USP29: variants seen among roughly 807,000 people sequenced by gnomAD.
The protein encoded by USP29 is ubiquitin carboxyl-terminal hydrolase 29.
For missense variants in USP29, 1,102 were observed against 1,069.0 expected (o/e 1.03, Z -0.43); for synonymous variants, 386 against 387.4 (o/e 1.00, Z 0.04).
intron 1 of USP29, among the ~76,000 whole-genome samples, chr19:57,121,051 C>T (rs1467765698): frequency 6.6e-6 from 1 of 150,656 alleles, no homozygotes; most frequent in Non-Finnish European, 1.5e-5. Context: ...GCCGAGATCA[C>T]GCCATTAAAC....
chr19:57,119,264 C>G (rs1003524950), upstream of USP29: 1 of 152,220 alleles, frequency 6.6e-6, no homozygotes, highest in Non-Finnish European at 1.5e-5. Flanking sequence ...GGAAACCGTC[C>G]GCTTCCCCAA....
Position 57,128,976 on chromosome 19 carries a change from A to G in USP29, c.301A>G (p.Ile101Val). 1.2e-6 allele frequency: 2 copies of G among 1,614,132 alleles called. No homozygotes were observed. The highest frequency in any genetic ancestry group is 2.2e-5 in the East Asian group (1 of 44,858). ...DAKQLNMFLD[I>V]IHQNKSQQPM... ...TAAACAGTTGAATATGTTCCTGGACATAATCCACCAAAACAAATCTCAGCA... is the reference window on the plus strand; with the variant it reads ...TAAACAGTTGAATATGTTCCTGGACGTAATCCACCAAAACAAATCTCAGCA... Residue 101 changes from isoleucine to valine, a missense_variant, in exon 4 of 4, where the codon ATA becomes GTA. Coordinates refer to ENST00000254181, the MANE Select transcript of USP29 (RefSeq NM_020903.3).
rs1599918472 is a variant in USP29 at position 57,130,024 on chromosome 19, C to T, written c.1349C>T (p.Pro450Leu). The change falls in exon 4 of 4, where the codon CCT (proline) becomes CTT (leucine). Residue 450 changes from proline to leucine, a missense_variant. Pro to Leu is a moderately conservative substitution (Grantham distance 98, BLOSUM62 -3). Transcript: ENST00000254181. ...GGTCATGCTGTTCTCAAGGTAGAAC[C>T]TAATAATTATCTCTCCATCAACCTG... is the stretch of plus-strand genomic sequence containing the variant. ...ACGHAVLKVE[P>L]NNYLSINLHQ... is the part of the protein sequence containing the mutation. The T allele has an allele frequency of 1.9e-6, 3 of 1,614,056 alleles. No homozygotes were observed. The highest frequency in any genetic ancestry group is 2.2e-5 in the East Asian group (1 of 44,874).
rs779608956 is a variant in USP29 at position 57,129,062 on chromosome 19, T to G, written c.387T>G (p.Ile129Met). The G allele has an allele frequency of 8.1e-6, 13 of 1,612,440 alleles. No individual in the cohort carries two copies. The highest frequency in any genetic ancestry group is 2.7e-5 in the African/African-American group (2 of 74,878). ...AAAGCAGGAATATGCTGAAGGAAAT[T>G]GACAAAACTTCATTTTACAGCATTT... The part of the protein sequence containing the change: ...VFESRNMLKE[I>M]DKTSFYSICN... Residue 129 changes from isoleucine (I) to methionine (M), a missense_variant, in exon 4 of 4, where the codon ATT becomes ATG. Physicochemically the swap from Ile to Met is conservative, Grantham distance 10. Transcript: ENST00000254181.
At position 57,130,087 on chromosome 19, in the gene USP29, A is replaced by G; in HGVS notation, c.1412A>G (p.Asn471Ser). 1 of 1,613,502 alleles carries G rather than the reference A, an allele frequency of 6.2e-7. No individual in the cohort carries two copies. The highest frequency in any genetic ancestry group is 8.5e-7 in the Non-Finnish European group (1 of 1,179,866). The change falls in exon 4 of 4, where the codon AAT (asparagine) becomes AGT (serine). Residue 471 changes from asparagine (N) to serine (S), a missense_variant. Physicochemically the swap from Asn to Ser is conservative, Grantham distance 46 (BLOSUM62 1). Coordinates refer to ENST00000254181, the MANE Select transcript of USP29 (RefSeq NM_020903.3). The stretch of plus-strand genomic sequence containing the variant: ...AAACCACTTCCTTTGTCCATTCAGA[A>G]TTCTTTAGATCTTTTCTTTAAAGAA... ...ETKPLPLSIQ[N>S]SLDLFFKEEE...
intron 2 of USP29, among the ~76,000 whole-genome samples, 198 bp from the exon 3 acceptor site, chr19:57,123,841 A>G (rs541335274): frequency 6.6e-6 from 1 of 152,258 alleles, no homozygotes; most frequent in South Asian, 2.1e-4. Context: ...ACTTTTAGGA[A>G]TGCATTTAGA....
In USP29 at chr19:57,129,841, A is replaced by G; in HGVS notation, c.1166A>G (p.Glu389Gly). 4.3e-6 allele frequency: 7 copies of G among 1,614,174 alleles called. No individual in the cohort carries two copies. Among genetic ancestry groups the G allele is most frequent in the Non-Finnish European group, 5.1e-6 (6 of 1,180,020 alleles). Reference protein sequence around the residue: ...QCLDQLKEDMEKLNATLNTGK... With the variant: ...QCLDQLKEDMGKLNATLNTGK... ...TTAGACCAGCTGAAAGAAGACATGG[A>G]AAAATTAAATGCCACTTTGAATACT... is the stretch of plus-strand genomic sequence containing the variant. The change falls in exon 4 of 4, where the codon GAA (glutamate) becomes GGA (glycine). Residue 389 changes from glutamate to glycine, a missense_variant. Physicochemically the swap from Glu to Gly is moderately conservative, Grantham distance 98. Transcript: ENST00000254181.
In USP29 at chr19:57,129,979, C is replaced by G. The variant is rs2086847103; in HGVS notation, c.1304C>G (p.Ser435Cys). 1 of 1,614,040 alleles carries G rather than the reference C, an allele frequency of 6.2e-7. No homozygotes were observed. The highest frequency in any genetic ancestry group is 1.3e-5 in the African/African-American group (1 of 74,912). ...AATTTTGAGTTTGAATTGCAGCTCT[C>G]CCTTATTTGTAAAGCTTGTGGTCAT... ...VANFEFELQL[S>C]LICKACGHAV... is the part of the protein sequence containing the mutation. The change falls in exon 4 of 4, where the codon TCC becomes TGC. Residue 435 changes from serine to cysteine, a missense_variant. Transcript: ENST00000254181.
In USP29 at chr19:57,130,745, A is replaced by G. The variant is rs372569854; in HGVS notation, c.2070A>G (p.Glu690=). The G allele has an allele frequency of 3.1e-6, 5 of 1,614,170 alleles. No individual in the cohort carries two copies. Among genetic ancestry groups the G allele is most frequent in the Non-Finnish European group, 4.2e-6 (5 of 1,180,032 alleles). Residue 690 remains glutamate (E), a synonymous_variant, in exon 4 of 4, where the codon GAA becomes GAG. Coordinates refer to ENST00000254181, the MANE Select transcript of USP29 (RefSeq NM_020903.3). ...TTCAAGAGGTGCCTCAACATCCAGA[A>G]CTTCAGAAGTATGAGAAAACCAATA... ...VHLQEVPQHP[E]LQKYEKTNTF...
At chr19:57,121,408 A>C (rs2086795418) in intron 1 of USP29, among the ~76,000 whole-genome samples, 1 of 143,036 alleles carries the variant, frequency 7.0e-6, no homozygotes, top group Admixed American at 7.2e-5. Flanking sequence ...TATGTTATAC[A>C]TACTTATATG....
rs548883406 is a variant in USP29 at position 57,122,479 on chromosome 19, G to A, written c.-118+5G>A. On this transcript the variant is annotated splice_donor_5th_base_variant and intron_variant, in intron 2 of 3. Coordinates refer to ENST00000254181, the MANE Select transcript of USP29 (RefSeq NM_020903.3). ...CCCAGAACAGCTCTCCAAACTGTAAGTTTCATTCAAGGTTTGCTTGTTTGG... is the reference window on the plus strand; with the variant it reads ...CCCAGAACAGCTCTCCAAACTGTAAATTTCATTCAAGGTTTGCTTGTTTGG... 23 of 151,420 alleles carry A rather than the reference G, an allele frequency of 1.5e-4. No homozygotes were observed. Among genetic ancestry groups the A allele is most frequent in the African/African-American group, 5.1e-4 (21 of 41,212 alleles). The allele number at this position is 151,420 out of a possible 1,614,324, so 9.4% of individuals were successfully genotyped here. A position where few individuals can be genotyped will look rare whatever the true frequency, so the allele number is the denominator to read the frequency against.
rs982958830 is a variant in USP29, at chr19:57,131,752, C to T, written c.*308C>T. 1 of 308,006 alleles carries T rather than the reference C, an allele frequency of 3.2e-6. No homozygotes were observed. Among genetic ancestry groups the T allele is most frequent in the Admixed American group, 4.7e-5 (1 of 21,076 alleles). 19.1% of individuals were successfully genotyped at this position (308,006 alleles called of 1,614,324 possible). A position where few individuals can be genotyped will look rare whatever the true frequency, so the allele number is the denominator to read the frequency against. On this transcript the variant is annotated 3_prime_UTR_variant, in exon 4 of 4. Transcript: ENST00000254181. Reference sequence around the variant, plus strand: ...TAGGGACTGATTAGAAATGCAAATTCTTGGGTCACTCTCTAGACCAACTGA... The same window carrying T: ...TAGGGACTGATTAGAAATGCAAATTTTTGGGTCACTCTCTAGACCAACTGA...
At position 57,130,919 on chromosome 19, in the gene USP29, G is replaced by A. The variant is rs747377820; in HGVS notation, c.2244G>A (p.Gln748=). The change falls in exon 4 of 4, where the codon CAG becomes CAA. Residue 748 remains glutamine (Q), a synonymous_variant. Transcript: ENST00000254181. ...IEESIIDEFL[Q]QAPPPGVRKL... ...AGAGCATCATAGATGAATTTCTTCA[G>A]CAGGCACCACCTCCAGGTGTTAGGA... 2 of 1,614,048 alleles carry A rather than the reference G, an allele frequency of 1.2e-6. No homozygotes were observed. Among genetic ancestry groups the A allele is most frequent in the African/African-American group, 1.3e-5 (1 of 74,914 alleles).
chr19:57,131,657 T>C lies in USP29; in HGVS notation c.*213T>C, dbSNP rs1157021641. The C allele has an allele frequency of 1.4e-6, 1 of 705,282 alleles. No homozygotes were observed. The highest frequency in any genetic ancestry group is 2.2e-6 in the Non-Finnish European group (1 of 451,108). 43.7% of individuals were successfully genotyped at this position (705,282 alleles called of 1,614,324 possible). A position where few individuals can be genotyped will look rare whatever the true frequency, so the allele number is the denominator to read the frequency against. Reference sequence around the variant, plus strand: ...CATATGCATATTTTCCCTGCAAGATTAGAATGGTGCTCTTCACGTTTTGAC... The same window carrying C: ...CATATGCATATTTTCCCTGCAAGATCAGAATGGTGCTCTTCACGTTTTGAC... On this transcript the variant is annotated 3_prime_UTR_variant, in exon 4 of 4. Transcript: ENST00000254181.
upstream of USP29, among the ~76,000 whole-genome samples, chr19:57,119,525 C>A (rs2086781739): frequency 6.6e-6 from 1 of 152,146 alleles, no homozygotes; most frequent in Admixed American, 6.5e-5. Flanking sequence ...CGGGTTCAAG[C>A]GATTCTCCTG....
In USP29 at chr19:57,131,006, A is replaced by G; in HGVS notation, c.2331A>G (p.Gln777=). ...ATCAGTCTACAGAATTAAGACTTCAAAAGGCTGACCTGAATCACCTTGGGG... is the reference window on the plus strand; with the variant it reads ...ATCAGTCTACAGAATTAAGACTTCAGAAGGCTGACCTGAATCACCTTGGGG... ...TLNQSTELRL[Q]KADLNHLGAL... The change falls in exon 4 of 4, where the codon CAA becomes CAG. Residue 777 remains glutamine (Q), a synonymous_variant. Coordinates refer to ENST00000254181, the MANE Select transcript of USP29 (RefSeq NM_020903.3). 1 of 1,614,182 alleles carries G rather than the reference A, an allele frequency of 6.2e-7. No homozygotes were observed.
intron 3 of USP29, among the ~76,000 whole-genome samples, chr19:57,124,491 GT>G (rs71186225): frequency 1.8e-4 from 25 of 139,804 alleles, no homozygotes; most frequent in East Asian, 4.1e-4. Flanking sequence ...TTTCTTTTTT[GT>G]TTTTTTTTTG....
At position 57,129,154 on chromosome 19, in the gene USP29, G is replaced by C; in HGVS notation, c.479G>C (p.Gly160Ala). Residue 160 changes from glycine (G) to alanine (A), a missense_variant, in exon 4 of 4, where the codon GGG becomes GCG. Transcript: ENST00000254181. ...AAATCACCAACACATGTGAAAAAGG[G>C]GATATTAGAAAATCAAGGTGGGAAG... ...MSKSPTHVKK[G>A]ILENQGGKGQ... 1 of 1,613,538 alleles carries C rather than the reference G, an allele frequency of 6.2e-7. No individual in the cohort carries two copies. The highest frequency in any genetic ancestry group is 2.2e-5 in the East Asian group (1 of 44,848).
chr19:57,121,308 TTA>T (rs1288346767), intron 1 of USP29, among the ~76,000 whole-genome samples: 1 of 146,162 alleles, frequency 6.8e-6, no homozygotes, highest in Non-Finnish European at 1.5e-5. Flanking sequence ...TGTTATATAC[TTA>T]TATATGTTAT....
Sources: allele counts gnomAD v4.1 joint callset (sites outside exome capture counted in the v4.1 genomes callset), GRCh38; gene constraint gnomAD v4.1.1; transcripts MANE v1.5; gene names NCBI Gene and HGNC (gene_info 2026-07-23, HGNC 2026-07-21).